GRIN2A: variants seen among roughly 807,000 people sequenced by gnomAD.
GRIN2A encodes the protein glutamate receptor ionotropic, NMDA 2A.
GRIN2A carries 22 observed loss-of-function variants against 113.4 expected under a neutral mutation model. The ratio of observed to expected loss-of-function variants is 0.19; its 90% CI spans 0.14 to 0.28. GRIN2A has a LOEUF of 0.28. Among genes scored for constraint, GRIN2A ranks in the 10% least tolerant of loss-of-function variants. The pLI, the probability that GRIN2A is intolerant of heterozygous loss-of-function variation, is 1.00. For synonymous variants in GRIN2A, 827 were observed against 738.4 expected (o/e 1.12, Z -1.94); for missense variants, 1,502 against 1,887.0 (o/e 0.80, Z 3.78).
chr16:9,852,098 G>C (rs1301047577), intron 4 of GRIN2A, among the ~76,000 whole-genome samples: 1 of 152,134 alleles, frequency 6.6e-6, no homozygotes, highest in Non-Finnish European at 1.5e-5. Flanking sequence ...TCACCACTTA[G>C]TTTAATTCCT....
At chr16:10,079,570 T>C (rs1415669995) in intron 2 of GRIN2A, among the ~76,000 whole-genome samples, 2 of 152,152 alleles carry the variant, frequency 1.3e-5, no homozygotes, top group African/African-American at 4.8e-5. Flanking sequence ...CATGCCCTGA[T>C]AAAAGAGGCT....
chr16:9,861,930 G>A (rs907603679), intron 4 of GRIN2A, among the ~76,000 whole-genome samples: 1 of 152,184 alleles, frequency 6.6e-6, no homozygotes, highest in African/African-American at 2.4e-5. Context: ...GAGGTGGTGG[G>A]ATTATGAAGC....
chr16:9,893,039 T>C lies in GRIN2A; in HGVS notation c.1008-1939A>G, dbSNP rs189736465. On this transcript the variant is annotated intron_variant, in intron 3 of 12. Transcript: ENST00000330684. ...TCACATGTACATCCCTGGACCAGCATGGTGCAGAAGCGACTGATGGGGGTG... is the reference window on the plus strand; with the variant it reads ...TCACATGTACATCCCTGGACCAGCACGGTGCAGAAGCGACTGATGGGGGTG... 4.6e-5 allele frequency among the ~76,000 whole-genome samples: 7 copies of C among 151,566 alleles called. No homozygotes were observed. The East Asian group carries it at 1.4e-3, about 29-fold the overall frequency.
chr16:9,768,773 C>T, intron 12 of GRIN2A, 78 bp downstream of exon 12: 1 of 920,694 alleles, frequency 1.1e-6, no homozygotes, highest in Non-Finnish European at 1.8e-6. Context: ...AAGTGCAGAC[C>T]CCACTGAGAC....
intron 2 of GRIN2A, chr16:9,943,176 C>CA (rs2044930412): frequency 6.6e-6 from 1 of 152,270 alleles, no homozygotes; most frequent in Admixed American, 6.5e-5. Flanking sequence ...TTCTACATAT[C>CA]AGCCTCTGAC....
intron 2 of GRIN2A, chr16:10,171,394 A>G (rs2050038223): frequency 6.6e-6 from 1 of 152,212 alleles, no homozygotes; most frequent in African/African-American, 2.4e-5. Context: ...CTAAATCCCT[A>G]AGCCTCGTGC....
intron 3 of GRIN2A, among the ~76,000 whole-genome samples, chr16:9,903,469 G>A (rs1292128782): frequency 1.3e-5 from 2 of 152,110 alleles, no homozygotes; most frequent in African/African-American, 4.8e-5. Context: ...ATTCAAAAAG[G>A]GATACCTTAA....
rs1596369729 is a variant in GRIN2A, at chr16:9,758,736, A to G, written c.*4413T>C. 3.7e-5 allele frequency: 8 copies of G among 214,960 alleles called. No individual in the cohort carries two copies. In the East Asian group the frequency reaches 5.5e-4, roughly 15 times the overall value. The allele number at this position is 214,960 out of a possible 1,614,324, so 13.3% of individuals were successfully genotyped here. On this transcript the variant is annotated 3_prime_UTR_variant, in exon 13 of 13. Transcript: ENST00000330684. ...ATCTGATACAATTAGATATGAACAC[A>G]GTACAATGTATAGGGATTGAATGGG... is the stretch of plus-strand genomic sequence containing the variant.
intron 2 of GRIN2A, among the ~76,000 whole-genome samples, chr16:10,178,653 A>G (rs146353959): frequency 4.6e-5 from 7 of 152,354 alleles, no homozygotes; most frequent in Non-Finnish European, 7.3e-5. Context: ...ATGAATGTTT[A>G]ATAAGACACT....
At chr16:9,907,884 C>G (rs991129111) in intron 3 of GRIN2A, among the ~76,000 whole-genome samples, 1 of 152,176 alleles carries the variant, frequency 6.6e-6, no homozygotes, top group Non-Finnish European at 1.5e-5. Flanking sequence ...GGAGGGTAAG[C>G]TCCCGGGAAA....
At chr16:9,931,632 G>C (rs1003985272) in intron 3 of GRIN2A, among the ~76,000 whole-genome samples, 1 of 152,046 alleles carries the variant, frequency 6.6e-6, no homozygotes, top group African/African-American at 2.4e-5. Context: ...TTTGGTAAGA[G>C]GGTTTTGGTC....
chr16:10,173,081 G>A lies in GRIN2A; in HGVS notation c.414+6917C>T, dbSNP rs375354596. ...GCAACCCCTGAGGGCTACTTGGAGTGTGAGTCACGCTACCGGGAGGACGCC... is the reference window on the plus strand; with the variant it reads ...GCAACCCCTGAGGGCTACTTGGAGTATGAGTCACGCTACCGGGAGGACGCC... On this transcript the variant is annotated intron_variant, in intron 2 of 12. Coordinates refer to ENST00000330684, the MANE Select transcript of GRIN2A (RefSeq NM_001134407.3). Among the ~76,000 whole-genome samples, 12 of 152,210 alleles carry A rather than the reference G, an allele frequency of 7.9e-5. 1 individual carries two copies. The highest frequency in any genetic ancestry group is 2.7e-4 in the African/African-American group (11 of 41,448).
At chr16:10,101,322 A>G (rs2048389729) in intron 2 of GRIN2A, among the ~76,000 whole-genome samples, 1 of 152,228 alleles carries the variant, frequency 6.6e-6, no homozygotes, top group African/African-American at 2.4e-5. Flanking sequence ...TGTTTCCTGG[A>G]AGATCCAACT....
At chr16:9,855,638 T>C (rs1479977490) in intron 4 of GRIN2A, among the ~76,000 whole-genome samples, 1 of 152,268 alleles carries the variant, frequency 6.6e-6, no homozygotes, top group East Asian at 1.9e-4. Context: ...CCCAAATCTT[T>C]CCTGATTTGA....
In GRIN2A at chr16:9,988,886, C is replaced by G. The variant is rs140688463; in HGVS notation, c.415-50335G>C. On this transcript the variant is annotated intron_variant, in intron 2 of 12. Coordinates refer to ENST00000330684, the MANE Select transcript of GRIN2A (RefSeq NM_001134407.3). ...CCAGAACAGAACCATGATAACCAGA[C>G]AGGAGGAGGGTCCTACAACTAACTC... is the stretch of plus-strand genomic sequence containing the variant. Among the ~76,000 whole-genome samples the G allele has an allele frequency of 5.3e-5, 8 of 152,240 alleles. 1 individual carries two copies. Among genetic ancestry groups the G allele is most frequent in the African/African-American group, 1.9e-4 (8 of 41,530 alleles).
intron 10 of GRIN2A, among the ~76,000 whole-genome samples, chr16:9,806,746 A>G (rs2041975890): frequency 1.4e-5 from 1 of 69,986 alleles, no homozygotes; most frequent in Non-Finnish European, 3.0e-5. Context: ...AGTGAGATAT[A>G]TTGCAAGAAA....
chr16:10,108,564 C>T (rs1026255164), intron 2 of GRIN2A, among the ~76,000 whole-genome samples: 100 of 152,304 alleles, frequency 6.6e-4, no homozygotes, highest in Middle Eastern at 6.8e-3. Context: ...TGTTGCACAA[C>T]CCTCATCTCA....
chr16:10,099,485 C>CCG (rs1374155474), intron 2 of GRIN2A, among the ~76,000 whole-genome samples: 3 of 151,992 alleles, frequency 2.0e-5, no homozygotes, highest in African/African-American at 7.3e-5. Flanking sequence ...CCTTGCACCC[C>CCG]CTTCCTCAGC....
intron 4 of GRIN2A, among the ~76,000 whole-genome samples, chr16:9,866,526 C>G (rs942700310): frequency 6.6e-6 from 1 of 152,156 alleles, no homozygotes; most frequent in African/African-American, 2.4e-5. Context: ...GCTACAATCC[C>G]TTTGTGCACA....
Sources: allele counts gnomAD v4.1 joint callset (sites outside exome capture counted in the v4.1 genomes callset), GRCh38; gene constraint gnomAD v4.1.1; transcripts MANE v1.5; gene names NCBI Gene and HGNC (gene_info 2026-07-23, HGNC 2026-07-21).